GPCPD1: variants seen among roughly 807,000 people sequenced by gnomAD.
GPCPD1 encodes the protein glycerophosphocholine phosphodiesterase GPCPD1.
A neutral mutation model predicts 89.2 loss-of-function variants in GPCPD1; 29 were observed. That is an observed-to-expected ratio of 0.33 (90% CI 0.24 to 0.44). GPCPD1 has a LOEUF of 0.44. Ranked by LOEUF, GPCPD1 falls within the 20% of genes least tolerant of loss-of-function variation. The pLI is 1.00. For synonymous variants in GPCPD1, 258 were observed against 266.3 expected (o/e 0.97, Z 0.30); for missense variants, 594 against 808.9 (o/e 0.73, Z 3.22).
intron 12 of GPCPD1, among the ~76,000 whole-genome samples, chr20:5,569,153 C>T (rs1216088717): frequency 6.6e-6 from 1 of 150,878 alleles, no homozygotes; most frequent in Non-Finnish European, 1.5e-5. Flanking sequence ...AATACCATTT[C>T]GCAGAAACAA....
rs1205729111 is a variant in GPCPD1 at position 5,544,939 on chromosome 20, G to A, written c.*2722C>T. 6.6e-6 allele frequency: 1 copy of A among 152,162 alleles called. No homozygotes were observed. Among genetic ancestry groups the A allele is most frequent in the African/African-American group, 2.4e-5 (1 of 41,408 alleles). The allele number at this position is 152,162 out of a possible 1,614,324, so 9.4% of individuals were successfully genotyped here. A position where few individuals can be genotyped will look rare whatever the true frequency, so the allele number is the denominator to read the frequency against. On this transcript the variant is annotated 3_prime_UTR_variant, in exon 20 of 20. Transcript: ENST00000379019. ...CACAAGGAGCAACGGCAGAGAGGTG[G>A]GTGGGTGGCAGGAAGCGCCACAACA...
intron 19 of GPCPD1, chr20:5,549,583 G>C (rs957990059): frequency 1.5e-6 from 1 of 647,290 alleles, no homozygotes; most frequent in African/African-American, 1.8e-5. Context: ...AACTACTAGA[G>C]TGGACTGGAT....
At chr20:5,604,308 G>T in intron 2 of GPCPD1, 56 bp downstream of exon 2, 1 of 897,804 alleles carries the variant, frequency 1.1e-6, no homozygotes. Flanking sequence ...AGGTAATCCA[G>T]ATAAGAAACA....
At chr20:5,559,060 G>T (rs761549538) in intron 17 of GPCPD1, among the ~76,000 whole-genome samples, 4 of 151,920 alleles carry the variant, frequency 2.6e-5, no homozygotes, top group African/African-American at 2.4e-5. Flanking sequence ...AAAATTAGCC[G>T]AGTATCATGC....
chr20:5,598,202 C>CAAAT (rs1037133088), intron 3 of GPCPD1, among the ~76,000 whole-genome samples: 1 of 151,624 alleles, frequency 6.6e-6, no homozygotes, highest in Non-Finnish European at 1.5e-5. Context: ...AACAAACAAA[C>CAAAT]AAAAAAGTAA....
At position 5,547,652 on chromosome 20, in the gene GPCPD1, C is replaced by A; in HGVS notation, c.*9G>T. ...GCACGCCCCCAAAATGACCTCTGTG[C>A]AATAAAAACTAAGCATTCTCCACGT... On this transcript the variant is annotated 3_prime_UTR_variant, in exon 20 of 20. Coordinates refer to ENST00000379019, the MANE Select transcript of GPCPD1 (RefSeq NM_019593.5). The A allele has an allele frequency of 6.6e-7, 1 of 1,524,798 alleles. No homozygotes were observed. Among genetic ancestry groups the A allele is most frequent in the East Asian group, 2.3e-5 (1 of 44,228 alleles). 94.5% of individuals were successfully genotyped at this position (1,524,798 alleles called of 1,614,324 possible).
intron 5 of GPCPD1, chr20:5,585,373 T>C (rs1244089946): frequency 6.6e-6 from 1 of 152,124 alleles, no homozygotes; most frequent in African/African-American, 2.4e-5. Context: ...TGCTTTCTAA[T>C]TTAAACCAGA....
intron 12 of GPCPD1, among the ~76,000 whole-genome samples, chr20:5,569,752 T>C (rs903468724): frequency 6.6e-6 from 1 of 152,186 alleles, no homozygotes; most frequent in Non-Finnish European, 1.5e-5. Context: ...AAACCTCTTT[T>C]TGAATTTTTC....
chr20:5,578,299 T>C, intron 8 of GPCPD1, 81 bp downstream of exon 8: 1 of 891,804 alleles, frequency 1.1e-6, no homozygotes, highest in Non-Finnish European at 1.8e-6. Flanking sequence ...CAAATTAGAT[T>C]AAAATGAAAA....
intron 11 of GPCPD1, among the ~76,000 whole-genome samples, chr20:5,571,430 A>G (rs6133228): frequency 0.64 from 97,012 of 152,036 alleles, 31,451 homozygotes; most frequent in African/African-American, 0.73. Context: ...AAAATTCATC[A>G]TGAGGTTTAA....
chr20:5,593,354 G>A lies in GPCPD1; in HGVS notation c.204C>T (p.Tyr68=), dbSNP rs1168748922. The change falls in exon 4 of 20, where the codon TAC becomes TAT. Residue 68 remains tyrosine (Y), a synonymous_variant. Transcript: ENST00000379019. ...TTGGTTCTAAAAAGTACCCTTTGAA[G>A]TAGCGATACTGAACTGATACTCCTC... ...LSRGVSVQYR[Y]FKGYFLEPKT... 6.3e-7 allele frequency: 1 copy of A among 1,585,586 alleles called. No individual in the cohort carries two copies. Among genetic ancestry groups the A allele is most frequent in the Non-Finnish European group, 8.7e-7 (1 of 1,154,416 alleles).
chr20:5,582,910 A>G (rs932989034), intron 6 of GPCPD1, among the ~76,000 whole-genome samples: 11 of 150,436 alleles, frequency 7.3e-5, no homozygotes, highest in Non-Finnish European at 1.5e-5. Flanking sequence ...AAAAAAAAAG[A>G]ATGCAGTTTA....
At chr20:5,549,584 T>C (rs1411829251) in intron 19 of GPCPD1, 1 of 633,612 alleles carries the variant, frequency 1.6e-6, no homozygotes, top group Non-Finnish European at 2.7e-6. Context: ...ACTACTAGAG[T>C]GGACTGGATT....
chr20:5,550,727 G>C (rs1016364143), intron 19 of GPCPD1, among the ~76,000 whole-genome samples: 2 of 152,176 alleles, frequency 1.3e-5, no homozygotes, highest in African/African-American at 4.8e-5. Context: ...TGATATTTCT[G>C]GACATATAAA....
In GPCPD1 at chr20:5,578,544, T is replaced by G. The variant is rs1399159115; in HGVS notation, c.541A>C (p.Lys181Gln). Residue 181 changes from lysine (K) to glutamine (Q), a missense_variant, in exon 8 of 20, where the codon AAA (lysine) becomes CAA (glutamine). Coordinates refer to ENST00000379019, the MANE Select transcript of GPCPD1 (RefSeq NM_019593.5). ...DDRVSPTVLH[K>Q]MSNSLEISLI... ...GATATCTCCAAGCTATTGGACATTT[T>G]GTGGAGTACAGTGGGAGATACCCTA... 6.2e-7 allele frequency: 1 copy of G among 1,613,856 alleles called. No individual in the cohort carries two copies. The highest frequency in any genetic ancestry group is 8.5e-7 in the Non-Finnish European group (1 of 1,179,692).
chr20:5,566,410 C>T (rs922923056), intron 14 of GPCPD1, among the ~76,000 whole-genome samples: 8 of 152,182 alleles, frequency 5.3e-5, no homozygotes, highest in African/African-American at 1.9e-4. Flanking sequence ...AAATGAAGAG[C>T]TGGTTCAAAT....
intron 3 of GPCPD1, among the ~76,000 whole-genome samples, chr20:5,595,466 C>T (rs1045578539): frequency 2.0e-5 from 3 of 151,940 alleles, no homozygotes; most frequent in Non-Finnish European, 4.4e-5. Context: ...CATTATGAAA[C>T]CACATTTCTA....
rs751223501 is a variant in GPCPD1, at chr20:5,547,685, G to A, written c.1995C>T (p.Gly665=). Residue 665 remains glycine, a synonymous_variant, in exon 20 of 20, where the codon GGC becomes GGT. Transcript: ENST00000379019. ...ACTAAGCATTCTCCACGTTATCAAT[G>A]CCGTTGGCATCCACATGGATATCAG... ...GESDIHVDAN[G]IDNVENA is the part of the protein sequence containing the mutation. 1 of 1,604,848 alleles carries A rather than the reference G, an allele frequency of 6.2e-7. No individual in the cohort carries two copies. The highest frequency in any genetic ancestry group is 8.5e-7 in the Non-Finnish European group (1 of 1,172,760).
At chr20:5,553,491 G>C (rs901382751) in intron 19 of GPCPD1, among the ~76,000 whole-genome samples, 5 of 152,146 alleles carry the variant, frequency 3.3e-5, no homozygotes, top group African/African-American at 1.2e-4. Flanking sequence ...TAAAAAACTA[G>C]AAATGATTAA....
Sources: allele counts gnomAD v4.1 joint callset (sites outside exome capture counted in the v4.1 genomes callset), GRCh38; gene constraint gnomAD v4.1.1; transcripts MANE v1.5; gene names NCBI Gene and HGNC (gene_info 2026-07-23, HGNC 2026-07-21).